Variants in EBF3 observed in about 807,000 individuals in gnomAD.
EBF3 encodes transcription factor COE3.
A neutral mutation model predicts 77.1 loss-of-function variants in EBF3; 18 were observed. That is an observed-to-expected ratio of 0.23 (90% CI 0.16 to 0.35). The LOEUF is 0.35. EBF3 is among the 10% of genes least tolerant of loss of function. The pLI is 1.00. For missense variants in EBF3, 558 were observed against 860.0 expected, an observed-to-expected ratio of 0.65 and a Z score of 4.39; for synonymous variants, 350 against 343.5, an observed-to-expected ratio of 1.02 and a Z score of -0.21.
intron 6 of EBF3, among the ~76,000 whole-genome samples, chr10:129,933,541 C>T (rs567349622): frequency 7.9e-5 from 12 of 152,340 alleles, no homozygotes; most frequent in African/African-American, 1.4e-4. Context: ...ATCTTGAAGC[C>T]CTCGGAAGCC....
chr10:129,881,129 T>C (rs4142058), intron 6 of EBF3, among the ~76,000 whole-genome samples: 93,514 of 152,062 alleles, frequency 0.61, 29,229 homozygotes, highest in Non-Finnish European at 0.66. Context: ...ACTCTTGTTA[T>C]GAAAGGAAAA....
chr10:129,845,742 A>G (rs1850405664), intron 11 of EBF3: 1 of 120,204 alleles, frequency 8.3e-6, no homozygotes, highest in Non-Finnish European at 2.0e-5. Context: ...CATTCCTAAT[A>G]AATTTTTGTA....
In EBF3 at chr10:129,894,332, G is replaced by T. The variant is rs1038277040; in HGVS notation, c.555-16483C>A. ...ATAAATGAAGGGGGTTCTAAAATGG[G>T]TGCATTAATTAGTCACAACGAGGGC... On this transcript the variant is annotated intron_variant, in intron 6 of 16. Coordinates refer to ENST00000440978, the MANE Select transcript of EBF3 (RefSeq NM_001375380.1). Among the ~76,000 whole-genome samples the T allele has an allele frequency of 5.9e-5, 9 of 152,260 alleles. No homozygotes were observed. The East Asian group carries it at 1.7e-3, about 29-fold the overall frequency.
At position 129,870,736 on chromosome 10, in the gene EBF3, C is replaced by T. The variant is rs776642040; in HGVS notation, c.781+2716G>A. Among the ~76,000 whole-genome samples the T allele has an allele frequency of 1.8e-4, 28 of 152,300 alleles. No individual in the cohort carries two copies. The highest frequency in any genetic ancestry group is 5.5e-4 in the African/African-American group (23 of 41,566). ...AATGGCTGGGATGAGCATGTCAAAA[C>T]GGGAGCGTGACTCAACTTGGAAACC... On this transcript the variant is annotated intron_variant, in intron 8 of 16. Coordinates refer to ENST00000440978, the MANE Select transcript of EBF3 (RefSeq NM_001375380.1). The surrounding 1 kb of genome is among the most constrained non-coding windows in gnomAD (Gnocchi z 4.4).
Position 129,963,957 on chromosome 10 carries a change from G to A in EBF3, c.-189C>T, listed in dbSNP as rs1049944291. 2 of 1,035,372 alleles carry A rather than the reference G, an allele frequency of 1.9e-6. No individual in the cohort carries two copies. The highest frequency in any genetic ancestry group is 2.3e-6 in the Non-Finnish European group (2 of 864,572). The allele number at this position is 1,035,372 out of a possible 1,614,324, so 64.1% of individuals were successfully genotyped here. A position where few individuals can be genotyped will look rare whatever the true frequency, so the allele number is the denominator to read the frequency against. On this transcript the variant is annotated 5_prime_UTR_variant, in exon 1 of 17. Coordinates refer to ENST00000440978, the MANE Select transcript of EBF3 (RefSeq NM_001375380.1). The surrounding 1 kb of genome is among the most constrained non-coding windows in gnomAD (Gnocchi z 7.1). ...ACACCAGCGGCCGGGCGCTCCGGACGGCCAGGGGCGCGGAGGCGGCTCCAC... is the reference window on the plus strand; with the variant it reads ...ACACCAGCGGCCGGGCGCTCCGGACAGCCAGGGGCGCGGAGGCGGCTCCAC...
At chr10:129,858,296 A>ATG (rs78546869) in intron 10 of EBF3, among the ~76,000 whole-genome samples, 4,566 of 152,284 alleles carry the variant, frequency 0.03, 100 homozygotes, top group East Asian at 0.075. Context: ...ACCCTAGCCT[A>ATG]TGGCCTGTTT....
Position 129,935,775 on chromosome 10 carries a change from G to C in EBF3, c.554+21483C>G, listed in dbSNP as rs1857315475. Reference sequence around the variant, plus strand: ...ACTAAGCCCATCTGGAGCAGAGCTTGGCCCTGCCACACCGGGGCCTCAGGC... The same window carrying C: ...ACTAAGCCCATCTGGAGCAGAGCTTCGCCCTGCCACACCGGGGCCTCAGGC... On this transcript the variant is annotated intron_variant, in intron 6 of 16. Transcript: ENST00000440978. The surrounding 1 kb of genome is among the most constrained non-coding windows in gnomAD (Gnocchi z 4.2). Among the ~76,000 whole-genome samples the C allele has an allele frequency of 6.6e-6, 1 of 152,250 alleles. No individual in the cohort carries two copies. Among genetic ancestry groups the C allele is most frequent in the African/African-American group, 2.4e-5 (1 of 41,478 alleles).
intron 6 of EBF3, among the ~76,000 whole-genome samples, chr10:129,899,926 G>T (rs1323094703): frequency 1.3e-5 from 2 of 152,226 alleles, no homozygotes; most frequent in Admixed American, 6.5e-5. Context: ...TGTAAAAATA[G>T]ACCATCATTT....
Position 129,944,198 on chromosome 10 carries a change from C to T in EBF3, c.554+13060G>A, listed in dbSNP as rs565884341. On this transcript the variant is annotated intron_variant, in intron 6 of 16. Coordinates refer to ENST00000440978, the MANE Select transcript of EBF3 (RefSeq NM_001375380.1). This position sits in a 1 kb window ranked among gnomAD's most constrained non-coding sequence, Gnocchi z 5.1. ...ATAAAATCAATTTGCAAGGCCGGTC[C>T]GGCATCCAGTTACAATAACATTAAA... 4.8e-4 allele frequency among the ~76,000 whole-genome samples: 73 copies of T among 152,198 alleles called. 1 individual carries two copies. The highest frequency in any genetic ancestry group is 1.6e-3 in the African/African-American group (65 of 41,526).
chr10:129,915,314 G>A (rs566229812), intron 6 of EBF3, among the ~76,000 whole-genome samples: 1 of 152,202 alleles, frequency 6.6e-6, no homozygotes, highest in African/African-American at 2.4e-5. Flanking sequence ...ATGGCTGGGG[G>A]TTCCTCTTGT....
rs559331077 is a variant in EBF3, at chr10:129,848,921, T to C, written c.1040-441A>G. ...TGTGGTCCTTTTTTGTCTAGCATAT[T>C]GCCTGAGCACAAACCAGGCAGGAGG... On this transcript the variant is annotated intron_variant, in intron 10 of 16. Coordinates refer to ENST00000440978, the MANE Select transcript of EBF3 (RefSeq NM_001375380.1). This position sits in a 1 kb window ranked among gnomAD's most constrained non-coding sequence, Gnocchi z 4.4. 6.6e-6 allele frequency among the ~76,000 whole-genome samples: 1 copy of C among 152,354 alleles called. No individual in the cohort carries two copies. The highest frequency in any genetic ancestry group is 2.1e-4 in the South Asian group (1 of 4,828).
intron 10 of EBF3, among the ~76,000 whole-genome samples, chr10:129,849,357 G>T (rs1024951932): frequency 6.6e-6 from 1 of 152,236 alleles, no homozygotes; most frequent in Admixed American, 6.5e-5. Flanking sequence ...ACTCCACGGT[G>T]CGTGGCACAA....
At chr10:129,894,576 A>C (rs2134211277) in intron 6 of EBF3, among the ~76,000 whole-genome samples, 1 of 152,174 alleles carries the variant, frequency 6.6e-6, no homozygotes, top group South Asian at 2.1e-4. Context: ...AGCTGGAAGG[A>C]GGCTTTCTAC....
chr10:129,955,887 A>G (rs1282330117), intron 6 of EBF3, among the ~76,000 whole-genome samples: 1 of 152,248 alleles, frequency 6.6e-6, no homozygotes, highest in Non-Finnish European at 1.5e-5. Flanking sequence ...TAGTTCAAAC[A>G]CTTCTAGCCA....
intron 6 of EBF3, among the ~76,000 whole-genome samples, chr10:129,899,317 C>T (rs1396612731): frequency 6.6e-6 from 1 of 152,196 alleles, no homozygotes; most frequent in Non-Finnish European, 1.5e-5. Flanking sequence ...AATCCGCTGG[C>T]ATTTCTTGAT....
intron 16 of EBF3, 22 bp downstream of exon 16, chr10:129,839,061 A>T (rs1250530317): frequency 7.7e-7 from 1 of 1,304,290 alleles, no homozygotes; most frequent in East Asian, 5.5e-5. Flanking sequence ...TTGTGAAGAC[A>T]ATGATTTCAA....
chr10:129,893,433 C>T (rs1854156053), intron 6 of EBF3, among the ~76,000 whole-genome samples: 1 of 152,134 alleles, frequency 6.6e-6, no homozygotes, highest in African/African-American at 2.4e-5. Context: ...TACTGAATAC[C>T]TTCTGTTCTA....
rs1365581348 is a variant in EBF3 at position 129,934,688 on chromosome 10, T to G, written c.554+22570A>C. 3.9e-5 allele frequency among the ~76,000 whole-genome samples: 6 copies of G among 152,208 alleles called. No homozygotes were observed. In the East Asian group the frequency reaches 1.2e-3, roughly 29 times the overall value. Reference sequence around the variant, plus strand: ...TTCCCTCACAAGCTCCTGCTCCAGTTGGGAAGAGGAGACTGAACAAAGGCC... The same window carrying G: ...TTCCCTCACAAGCTCCTGCTCCAGTGGGGAAGAGGAGACTGAACAAAGGCC... On this transcript the variant is annotated intron_variant, in intron 6 of 16. Transcript: ENST00000440978.
In EBF3 at chr10:129,947,118, G is replaced by A. The variant is rs547595150; in HGVS notation, c.554+10140C>T. ...TCTTCCTCGTGTCAGGGGACGAGCC[G>A]CTTCATTGAGAAAATGGAAATGGAC... is the stretch of plus-strand genomic sequence containing the variant. On this transcript the variant is annotated intron_variant, in intron 6 of 16. Coordinates refer to ENST00000440978, the MANE Select transcript of EBF3 (RefSeq NM_001375380.1). This position sits in a 1 kb window ranked among gnomAD's most constrained non-coding sequence, Gnocchi z 4.5. Among the ~76,000 whole-genome samples the A allele has an allele frequency of 4.6e-5, 7 of 152,258 alleles. No homozygotes were observed. The highest frequency in any genetic ancestry group is 1.9e-4 in the East Asian group (1 of 5,184).
Sources: allele counts gnomAD v4.1 joint callset (sites outside exome capture counted in the v4.1 genomes callset), GRCh38; gene constraint gnomAD v4.1.1; non-coding constraint Gnocchi (gnomAD v3.1); transcripts MANE v1.5; gene names NCBI Gene and HGNC (gene_info 2026-07-23, HGNC 2026-07-21).